Variants in TERF2IP observed in about 807,000 individuals in gnomAD.
TERF2IP encodes TERF2 interacting protein, also known as telomeric repeat-binding factor 2-interacting protein 1.
A neutral mutation model predicts 33.3 loss-of-function variants in TERF2IP; 35 were observed. The ratio of observed to expected loss-of-function variants is 1.05; its 90% confidence interval spans 0.80 to 1.39. The LOEUF (loss-of-function observed/expected upper bound fraction) is 1.39, where lower values mean the gene tolerates loss of function less well. Among genes scored for constraint, TERF2IP ranks in the 40% most tolerant of loss-of-function variants. TERF2IP has a pLI of 0.00. For missense variants in TERF2IP, 583 were observed against 524.8 expected (o/e 1.11, Z -1.08); for synonymous variants, 253 against 223.2 (o/e 1.13, Z -1.19).
rs972797880 is a variant in TERF2IP, at chr16:75,648,190, C to T, written c.308C>T (p.Pro103Leu). 1.3e-6 allele frequency: 2 copies of T among 1,552,260 alleles called. No homozygotes were observed. The highest frequency in any genetic ancestry group is 2.0e-5 in the Admixed American group (1 of 50,726). Residue 103 changes from proline to leucine, a missense_variant, in exon 1 of 3, where the codon CCC (proline) becomes CTC (leucine). Pro to Leu is a moderately conservative substitution (Grantham distance 98). Coordinates refer to ENST00000300086, the MANE Select transcript of TERF2IP (RefSeq NM_018975.4). Reference sequence around the variant, plus strand: ...GAGCTGGAGGCCTATCGGCTGGGCCCCGCCTCGGCGGCGGACACCGGCTCG... The same window carrying T: ...GAGCTGGAGGCCTATCGGCTGGGCCTCGCCTCGGCGGCGGACACCGGCTCG... ...RLELEAYRLG[P>L]ASAADTGSEA... is the part of the protein sequence containing the mutation.
intron 1 of TERF2IP, among the ~76,000 whole-genome samples, chr16:75,648,883 G>A (rs79367972): frequency 6.8e-5 from 10 of 147,342 alleles, no homozygotes; most frequent in African/African-American, 1.7e-4. Flanking sequence ...TAATTTTTGA[G>A]TGGGGGCTCG....
chr16:75,650,830 G>C (rs1261974750), intron 1 of TERF2IP, among the ~76,000 whole-genome samples: 1 of 152,168 alleles, frequency 6.6e-6, no homozygotes, highest in African/African-American at 2.4e-5. Flanking sequence ...GAGCCACCAT[G>C]CTGTGTCTGG....
At position 75,648,089 on chromosome 16, in the gene TERF2IP, G is replaced by A; in HGVS notation, c.207G>A (p.Glu69=). 6.4e-7 allele frequency: 1 copy of A among 1,565,038 alleles called. No homozygotes were observed. ...CCGTGCTGCTGGCCCAGCCCGGGGAGGCGCTGGCCGAGGCCTCGGGTGATT... is the reference window on the plus strand; with the variant it reads ...CCGTGCTGCTGGCCCAGCCCGGGGAAGCGCTGGCCGAGGCCTCGGGTGATT... ...PGAVLLAQPG[E]ALAEASGDFI... is the part of the protein sequence containing the mutation. Residue 69 remains glutamate, a synonymous_variant, in exon 1 of 3, where the codon GAG becomes GAA. Transcript: ENST00000300086.
Position 75,656,689 on chromosome 16 carries a change from G to T in TERF2IP, c.*78G>T. On this transcript the variant is annotated 3_prime_UTR_variant, in exon 3 of 3. Transcript: ENST00000300086. Reference sequence around the variant, plus strand: ...AAAATTGTGACCAATGAACTTTAGAGAGTTCTTGCATTGGAACTGGCACTT... The same window carrying T: ...AAAATTGTGACCAATGAACTTTAGATAGTTCTTGCATTGGAACTGGCACTT... The T allele has an allele frequency of 7.2e-7, 1 of 1,384,616 alleles. No individual in the cohort carries two copies. Among genetic ancestry groups the T allele is most frequent in the Non-Finnish European group, 9.8e-7 (1 of 1,017,682 alleles). 85.8% of individuals were successfully genotyped at this position (1,384,616 alleles called of 1,614,324 possible). A position where few individuals can be genotyped will look rare whatever the true frequency, so the allele number is the denominator to read the frequency against.
intron 1 of TERF2IP, among the ~76,000 whole-genome samples, chr16:75,650,946 T>G (rs571927749): frequency 1.3e-5 from 2 of 152,290 alleles, no homozygotes; most frequent in South Asian, 4.1e-4. Flanking sequence ...CTTTTGATAA[T>G]CAGATATTTA....
chr16:75,648,459 C>CAT lies in TERF2IP; in HGVS notation c.579_580dup (p.Lys194IlefsTer10). 6.2e-7 allele frequency: 1 copy of CAT among 1,600,214 alleles called. No homozygotes were observed. The highest frequency in any genetic ancestry group is 8.5e-7 in the Non-Finnish European group (1 of 1,174,468). Reference sequence around the variant, plus strand: ...CCTCAAGCACCTGCGGGGCCAGGAGCATAAGTACCTGCTGGGGGACGCGCC... The same window carrying CAT: ...CCTCAAGCACCTGCGGGGCCAGGAGCATATAAGTACCTGCTGGGGGACGCGCC... On this transcript the variant is annotated frameshift_variant, in exon 1 of 3. Coordinates refer to ENST00000300086, the MANE Select transcript of TERF2IP (RefSeq NM_018975.4). LOFTEE classifies it high-confidence loss of function.
intron 1 of TERF2IP, among the ~76,000 whole-genome samples, chr16:75,651,853 CA>C (rs2082349891): frequency 6.6e-6 from 1 of 151,874 alleles, no homozygotes; most frequent in Admixed American, 6.6e-5. Flanking sequence ...CAAAATAGAA[CA>C]AAAGCTCCCC....
At chr16:75,648,750 G>A in intron 1 of TERF2IP, 198 bp downstream of exon 1, 1 of 1,403,448 alleles carries the variant, frequency 7.1e-7, no homozygotes, top group Non-Finnish European at 9.3e-7. Context: ...TTTTGCGATG[G>A]GTCTCTGTTA....
chr16:75,650,572 G>C (rs1567509361), intron 1 of TERF2IP, among the ~76,000 whole-genome samples: 1 of 152,094 alleles, frequency 6.6e-6, no homozygotes, highest in Non-Finnish European at 1.5e-5. Context: ...GTCTTGCTCT[G>C]TCACACAGGC....
chr16:75,655,623 A>C (rs7193066), intron 2 of TERF2IP, among the ~76,000 whole-genome samples: 21,781 of 152,228 alleles, frequency 0.14, 3,171 homozygotes, highest in East Asian at 0.73. Context: ...TCAGCTCTCA[A>C]ACATGACCTA....
At chr16:75,649,954 CCCA>C (rs1567509127) in intron 1 of TERF2IP, among the ~76,000 whole-genome samples, 2 of 152,286 alleles carry the variant, frequency 1.3e-5, no homozygotes, top group Non-Finnish European at 1.5e-5. Context: ...CCGTAATCCT[CCCA>C]CCTTTTCTTT....
In TERF2IP at chr16:75,656,283, CAG is replaced by C; in HGVS notation, c.874_875del (p.Glu292AsnfsTer4). 6.2e-7 allele frequency: 1 copy of C among 1,613,950 alleles called. No individual in the cohort carries two copies. Among genetic ancestry groups the C allele is most frequent in the Non-Finnish European group, 8.5e-7 (1 of 1,180,008 alleles). On this transcript the variant is annotated frameshift_variant, in exon 3 of 3. Coordinates refer to ENST00000300086, the MANE Select transcript of TERF2IP (RefSeq NM_018975.4). LOFTEE classifies it high-confidence loss of function. ...GATCCACCCACACCTGAGGAAGACT[CAG>C]AAACACAGCCTGATGAGGAGGAAGA...
At chr16:75,651,241 A>C (rs1257781691) in intron 1 of TERF2IP, among the ~76,000 whole-genome samples, 3 of 152,218 alleles carry the variant, frequency 2.0e-5, no homozygotes, top group African/African-American at 2.4e-5. Context: ...TAGTTTCTTT[A>C]ATGTCTAAAG....
In TERF2IP at chr16:75,656,445, C is replaced by G. The variant is rs2082386975; in HGVS notation, c.1034C>G (p.Ala345Gly). The change falls in exon 3 of 3, where the codon GCT becomes GGT. Residue 345 changes from alanine (A) to glycine (G), a missense_variant. Physicochemically the swap from Ala to Gly is moderately conservative, Grantham distance 60. Transcript: ENST00000300086. ...AFLKNSGELEATSAFLASGQR... is the reference protein window; with the variant it reads ...AFLKNSGELEGTSAFLASGQR... ...CTAAAAAATAGTGGTGAGCTGGAGG[C>G]TACTTCCGCCTTCTTAGCGTCTGGT... 1 of 1,614,078 alleles carries G rather than the reference C, an allele frequency of 6.2e-7. No homozygotes were observed. The highest frequency in any genetic ancestry group is 8.5e-7 in the Non-Finnish European group (1 of 1,180,040).
chr16:75,648,051 C>T lies in TERF2IP; in HGVS notation c.169C>T (p.Gln57Ter). ...LHGGGTVCRV[Q>*]EPGAVLLAQP... ...CGGCGGCGGCACCGTGTGCCGAGTG[C>T]AGGAGCCCGGGGCCGTGCTGCTGGC... Residue 57 changes from glutamine (Q) to a stop codon, truncating the protein, a stop_gained, in exon 1 of 3, where the codon CAG becomes TAG. Transcript: ENST00000300086. LOFTEE classifies it high-confidence loss of function. 6.2e-7 allele frequency: 1 copy of T among 1,603,858 alleles called. No individual in the cohort carries two copies. Among genetic ancestry groups the T allele is most frequent in the Non-Finnish European group, 8.5e-7 (1 of 1,175,402 alleles).
chr16:75,650,790 G>A (rs1350819990), intron 1 of TERF2IP, among the ~76,000 whole-genome samples: 1 of 152,086 alleles, frequency 6.6e-6, no homozygotes, highest in Admixed American at 6.5e-5. Context: ...GCCCGACTTG[G>A]CCTCCCAAAA....
chr16:75,655,703 T>G (rs909456678), intron 2 of TERF2IP, among the ~76,000 whole-genome samples: 12 of 152,224 alleles, frequency 7.9e-5, no homozygotes, highest in Admixed American at 7.2e-4. Context: ...CCCTAATACA[T>G]TCATACAGCA....
intron 1 of TERF2IP, among the ~76,000 whole-genome samples, chr16:75,649,716 G>A (rs73615089): frequency 0.095 from 14,422 of 152,124 alleles, 1,242 homozygotes; most frequent in African/African-American, 0.23. Flanking sequence ...ATGCTCTGGC[G>A]TAACTGAATG....
rs747503294 is a variant in TERF2IP, at chr16:75,648,433, A to G, written c.551A>G (p.Tyr184Cys). ...QHSWQSLKDRYLKHLRGQEHK... is the reference protein window; with the variant it reads ...QHSWQSLKDRCLKHLRGQEHK... ...TCGTGGCAGTCCCTGAAGGACCGCT[A>G]CCTCAAGCACCTGCGGGGCCAGGAG... The change falls in exon 1 of 3, where the codon TAC becomes TGC. Residue 184 changes from tyrosine (Y) to cysteine (C), a missense_variant. Transcript: ENST00000300086. 1.2e-6 allele frequency: 2 copies of G among 1,603,534 alleles called. No homozygotes were observed. The highest frequency in any genetic ancestry group is 1.7e-6 in the Non-Finnish European group (2 of 1,175,818).
Sources: allele counts gnomAD v4.1 joint callset (sites outside exome capture counted in the v4.1 genomes callset), GRCh38; gene constraint gnomAD v4.1.1; transcripts MANE v1.5; gene names NCBI Gene and HGNC (gene_info 2026-07-23, HGNC 2026-07-21).